The following TMEM132D variants were observed in gnomAD, a reference collection of about 807,000 sequenced individuals.
The protein encoded by TMEM132D is transmembrane protein 132D.
Under a neutral mutation model 62.3 loss-of-function variants are expected in TMEM132D, and 21 were observed. That is an observed-to-expected ratio of 0.34 (90% CI 0.24 to 0.49). TMEM132D has a LOEUF of 0.49. Among genes scored for constraint, TMEM132D ranks in the 20% least tolerant of loss-of-function variants. The pLI is 0.99. For missense variants in TMEM132D, 1,346 were observed against 1,402.8 expected (o/e 0.96, Z 0.65); for synonymous variants, 621 against 575.6 (o/e 1.08, Z -1.13).
chr12:129,240,643 C>T (rs778098652), intron 4 of TMEM132D, among the ~76,000 whole-genome samples: 1 of 152,104 alleles, frequency 6.6e-6, no homozygotes, highest in African/African-American at 2.4e-5. Context: ...AATTCACTTG[C>T]GTTATCATTG....
At chr12:129,325,437 A>T (rs1018525289) in intron 4 of TMEM132D, among the ~76,000 whole-genome samples, 1 of 152,190 alleles carries the variant, frequency 6.6e-6, no homozygotes, top group East Asian at 1.9e-4. Flanking sequence ...AATCAAATTC[A>T]CCCTAAAACA....
In TMEM132D at chr12:129,825,588, C is replaced by T. The variant is rs576771674; in HGVS notation, c.79+77673G>A. The stretch of plus-strand genomic sequence containing the variant: ...ACCTGCACTCTCCCAAGCCCAGTGT[C>T]TCTTCTCTGCCCCTTGCTGCATCTG... On this transcript the variant is annotated intron_variant, in intron 1 of 8. Transcript: ENST00000422113. Among the ~76,000 whole-genome samples, 8 of 152,316 alleles carry T rather than the reference C, an allele frequency of 5.3e-5. No individual in the cohort carries two copies. In the South Asian group the frequency reaches 1.4e-3, roughly 28 times the overall value.
At chr12:129,803,699 C>T (rs1871874873) in intron 1 of TMEM132D, among the ~76,000 whole-genome samples, 1 of 151,592 alleles carries the variant, frequency 6.6e-6, no homozygotes, top group Admixed American at 6.6e-5. Flanking sequence ...CAGAGCAGAA[C>T]TGAAGGAAAG....
At chr12:129,891,758 G>A (rs1215944096) in intron 1 of TMEM132D, among the ~76,000 whole-genome samples, 1 of 152,138 alleles carries the variant, frequency 6.6e-6, no homozygotes, top group Non-Finnish European at 1.5e-5. Flanking sequence ...CCATGATACA[G>A]ACATTAAATT....
chr12:129,531,836 G>A (rs1242638191), intron 2 of TMEM132D, among the ~76,000 whole-genome samples: 3 of 152,122 alleles, frequency 2.0e-5, no homozygotes, highest in Non-Finnish European at 4.4e-5. Context: ...CATTCCATAT[G>A]TTCTTTCCAA....
chr12:129,548,757 G>A (rs1876809583), intron 2 of TMEM132D, among the ~76,000 whole-genome samples: 1 of 152,164 alleles, frequency 6.6e-6, no homozygotes, highest in African/African-American at 2.4e-5. Context: ...TCCAACCCAG[G>A]TGAATGGATG....
At chr12:129,279,696 C>T (rs964585052) in intron 4 of TMEM132D, among the ~76,000 whole-genome samples, 3 of 152,044 alleles carry the variant, frequency 2.0e-5, no homozygotes, top group South Asian at 2.1e-4. Context: ...TTCTCACGAG[C>T]GAAAACTGGG....
intron 5 of TMEM132D, among the ~76,000 whole-genome samples, chr12:129,112,400 G>A (rs185284181): frequency 2.4e-4 from 36 of 152,184 alleles, no homozygotes; most frequent in African/African-American, 8.7e-4. Context: ...GGTGGCTCAC[G>A]CCTGTAATCC....
rs148433895 is a variant in TMEM132D, at chr12:129,367,487, A to G, written c.1116-29670T>C. ...GTGGGCATGGACCCAGGTTGTCCCA[A>G]AGACCCTGCCCCGCCAGTCTTCAGA... is the stretch of plus-strand genomic sequence containing the variant. On this transcript the variant is annotated intron_variant, in intron 3 of 8. Transcript: ENST00000422113. 2.5e-4 allele frequency among the ~76,000 whole-genome samples: 38 copies of G among 152,234 alleles called. No homozygotes were observed. The East Asian group carries it at 7.4e-3, about 30-fold the overall frequency.
chr12:129,728,965 G>C (rs933916630), intron 1 of TMEM132D, among the ~76,000 whole-genome samples: 1 of 152,146 alleles, frequency 6.6e-6, no homozygotes, highest in Non-Finnish European at 1.5e-5. Context: ...ACTTTGCGGG[G>C]TGTTATTTAA....
chr12:129,488,878 G>A (rs534722258), intron 3 of TMEM132D, among the ~76,000 whole-genome samples: 4 of 151,676 alleles, frequency 2.6e-5, no homozygotes, highest in East Asian at 3.9e-4. Context: ...AGCACCTTCC[G>A]CCTCATTTGG....
At chr12:129,625,581 TCA>T (rs1397344830) in intron 2 of TMEM132D, among the ~76,000 whole-genome samples, 1 of 152,214 alleles carries the variant, frequency 6.6e-6, no homozygotes, top group African/African-American at 2.4e-5. Context: ...GACGATATGC[TCA>T]CAGTTTTTAC....
At chr12:129,726,851 G>A (rs1869052476) in intron 1 of TMEM132D, among the ~76,000 whole-genome samples, 2 of 152,250 alleles carry the variant, frequency 1.3e-5, no homozygotes, top group Admixed American at 6.5e-5. Flanking sequence ...CAGGAGTTCT[G>A]TTCCCAACTC....
chr12:129,446,029 C>T (rs554881134), intron 3 of TMEM132D, among the ~76,000 whole-genome samples: 7 of 152,232 alleles, frequency 4.6e-5, no homozygotes, highest in Middle Eastern at 3.4e-3. Context: ...CTCTACCAGT[C>T]GCTGGCTCAG....
chr12:129,747,587 C>T (rs1317251837), intron 1 of TMEM132D, among the ~76,000 whole-genome samples: 2 of 148,980 alleles, frequency 1.3e-5, no homozygotes, highest in East Asian at 4.0e-4. Context: ...CACACACGCG[C>T]TCACATGCAC....
intron 3 of TMEM132D, among the ~76,000 whole-genome samples, chr12:129,475,251 G>A (rs1874222527): frequency 6.6e-6 from 1 of 152,180 alleles, no homozygotes; most frequent in African/African-American, 2.4e-5. Context: ...CCTGGTACTG[G>A]AAACAGCTGG....
At chr12:129,861,675 C>T (rs1873902372) in intron 1 of TMEM132D, among the ~76,000 whole-genome samples, 1 of 149,392 alleles carries the variant, frequency 6.7e-6, no homozygotes, top group South Asian at 2.1e-4. Context: ...GCAGGAGAAT[C>T]ACTTGAAATC....
intron 4 of TMEM132D, among the ~76,000 whole-genome samples, chr12:129,256,080 CTGAT>C (rs1442070951): frequency 3.5e-4 from 54 of 152,164 alleles, no homozygotes; most frequent in Admixed American, 3.5e-3. Flanking sequence ...ACTTGTACTA[CTGAT>C]TGATTGATTT....
At chr12:129,727,351 G>A (rs1869075037) in intron 1 of TMEM132D, among the ~76,000 whole-genome samples, 1 of 152,192 alleles carries the variant, frequency 6.6e-6, no homozygotes, top group Non-Finnish European at 1.5e-5. Flanking sequence ...AGAGAAAAAT[G>A]AGGGCTGGAT....
Sources: allele counts gnomAD v4.1 joint callset (sites outside exome capture counted in the v4.1 genomes callset), GRCh38; gene constraint gnomAD v4.1.1; transcripts MANE v1.5; gene names NCBI Gene and HGNC (gene_info 2026-07-23, HGNC 2026-07-21).